DDR2: variants seen among roughly 807,000 people sequenced by gnomAD.
DDR2 encodes discoidin domain-containing receptor 2.
In DDR2, 27 loss-of-function variants were observed where a neutral mutation model predicts 94.9. The ratio of observed to expected loss-of-function variants is 0.28; its 90% CI spans 0.21 to 0.39. The LOEUF (loss-of-function observed/expected upper bound fraction) is 0.39, where lower values mean the gene tolerates loss of function less well. Among genes scored for constraint, DDR2 ranks in the 10% least tolerant of loss-of-function variants. The pLI is 1.00. For synonymous variants in DDR2, 382 were observed against 377.2 expected, an observed-to-expected ratio of 1.01 and a Z score of -0.15; for missense variants, 783 against 1,076.0, an observed-to-expected ratio of 0.73 and a Z score of 3.81.
chr1:162,661,998 T>A (rs1044700695), intron 2 of DDR2, among the ~76,000 whole-genome samples: 6 of 152,204 alleles, frequency 3.9e-5, no homozygotes, highest in African/African-American at 1.4e-4. Context: ...TTCTAGAGTC[T>A]ATCTTGACTT....
At chr1:162,731,013 A>G (rs1205543660) in intron 3 of DDR2, among the ~76,000 whole-genome samples, 1 of 152,206 alleles carries the variant, frequency 6.6e-6, no homozygotes. Context: ...CACCTCTCTG[A>G]GATTCTCCCT....
chr1:162,744,812 T>C (rs1662772851), intron 3 of DDR2, among the ~76,000 whole-genome samples: 1 of 152,220 alleles, frequency 6.6e-6, no homozygotes. Flanking sequence ...GCAATGAACA[T>C]GGAAGGGCAG....
chr1:162,673,943 C>T (rs970946524), intron 2 of DDR2, among the ~76,000 whole-genome samples: 1 of 152,066 alleles, frequency 6.6e-6, no homozygotes, highest in Non-Finnish European at 1.5e-5. Context: ...TACACATACT[C>T]TCTCTCTAGG....
At position 162,754,714 on chromosome 1, in the gene DDR2, C is replaced by T. The variant is rs1663372190; in HGVS notation, c.276C>T (p.His92=). Residue 92 remains histidine (H), a synonymous_variant, in exon 5 of 18, where the codon CAC becomes CAT. Coordinates refer to ENST00000367921, the MANE Select transcript of DDR2 (RefSeq NM_006182.4). ...AGGAGTTTCTGCAGATTGACTTGCA[C>T]ACCCTCCATTTTATCACTCTGGTGG... ...DLKEFLQIDL[H]TLHFITLVGT... is the part of the protein sequence containing the mutation. 3.7e-6 allele frequency: 6 copies of T among 1,614,024 alleles called. No homozygotes were observed. The highest frequency in any genetic ancestry group is 2.2e-5 in the East Asian group (1 of 44,876).
intron 2 of DDR2, among the ~76,000 whole-genome samples, chr1:162,668,192 G>A (rs1658673911): frequency 6.6e-6 from 1 of 152,184 alleles, no homozygotes; most frequent in Admixed American, 6.5e-5. Flanking sequence ...CTGTGGGCCA[G>A]CAGCCTGTTT....
chr1:162,737,968 T>G (rs1281333103), intron 3 of DDR2, among the ~76,000 whole-genome samples: 1 of 152,066 alleles, frequency 6.6e-6, no homozygotes, highest in Non-Finnish European at 1.5e-5. Context: ...TTTTGAGAAG[T>G]GTCCGTTCAT....
intron 3 of DDR2, among the ~76,000 whole-genome samples, chr1:162,741,885 G>A (rs1450447515): frequency 6.6e-6 from 1 of 152,206 alleles, no homozygotes; most frequent in Non-Finnish European, 1.5e-5. Flanking sequence ...TCAGCGACAT[G>A]TAAGATCAGT....
rs1663369335 is a variant in DDR2 at position 162,754,675 on chromosome 1, A to C, written c.237A>C (p.Glu79Asp). The C allele has an allele frequency of 6.2e-7, 1 of 1,613,954 alleles. No individual in the cohort carries two copies. Among genetic ancestry groups the C allele is most frequent in the African/African-American group, 1.3e-5 (1 of 74,888 alleles). ...DGAWCPEIPV[E>D]PDDLKEFLQI... is the part of the protein sequence containing the mutation. ...CCTGGTGCCCTGAGATTCCAGTGGAACCTGATGACCTGAAGGAGTTTCTGC... is the reference window on the plus strand; with the variant it reads ...CCTGGTGCCCTGAGATTCCAGTGGACCCTGATGACCTGAAGGAGTTTCTGC... The change falls in exon 5 of 18, where the codon GAA (glutamate) becomes GAC (aspartate). Residue 79 changes from glutamate to aspartate, a missense_variant. Around this residue, in one of 2 missense-constraint regions of DDR2, gnomAD observed 519 missense variants for 647.9 expected, o/e 0.80. Coordinates refer to ENST00000367921, the MANE Select transcript of DDR2 (RefSeq NM_006182.4).
chr1:162,767,411 A>T (rs1362590269), intron 11 of DDR2, 52 bp downstream of exon 11: 1 of 1,607,074 alleles, frequency 6.2e-7, no homozygotes, highest in Admixed American at 1.7e-5. Context: ...TTTCTTTCTT[A>T]AGCCACTGTT....
chr1:162,703,014 A>C, intron 2 of DDR2, among the ~76,000 whole-genome samples: 1 of 152,204 alleles, frequency 6.6e-6, no homozygotes, highest in East Asian at 1.9e-4. Context: ...CTGGTTAATG[A>C]ATATTTCAAG....
chr1:162,699,760 A>G (rs749273203), intron 2 of DDR2, among the ~76,000 whole-genome samples: 26 of 152,200 alleles, frequency 1.7e-4, no homozygotes, highest in Non-Finnish European at 3.5e-4. Flanking sequence ...TATGCCATCA[A>G]TTTTATCCAA....
intron 7 of DDR2, among the ~76,000 whole-genome samples, chr1:162,759,591 T>G (rs1034542344): frequency 6.6e-6 from 1 of 152,230 alleles, no homozygotes; most frequent in Non-Finnish European, 1.5e-5. Flanking sequence ...TAAAAATTAC[T>G]AATATGAAAT....
At chr1:162,757,781 A>G (rs1004586269) in intron 7 of DDR2, among the ~76,000 whole-genome samples, 3 of 152,276 alleles carry the variant, frequency 2.0e-5, no homozygotes, top group Admixed American at 2.0e-4. Flanking sequence ...TGCCAAGTAA[A>G]AAGAATTAAT....
At chr1:162,678,797 G>T (rs1013333029) in intron 2 of DDR2, among the ~76,000 whole-genome samples, 4 of 152,190 alleles carry the variant, frequency 2.6e-5, no homozygotes, top group African/African-American at 4.8e-5. Context: ...TGGAGAAACT[G>T]CCCAGCCACT....
At chr1:162,716,551 A>G (rs571839263) in intron 2 of DDR2, among the ~76,000 whole-genome samples, 1 of 152,256 alleles carries the variant, frequency 6.6e-6, no homozygotes, top group African/African-American at 2.4e-5. Flanking sequence ...CATGTATTTT[A>G]TCTTATCCAA....
At position 162,780,354 on chromosome 1, in the gene DDR2, C is replaced by G; in HGVS notation, c.*108C>G. 1 of 1,534,662 alleles carries G rather than the reference C, an allele frequency of 6.5e-7. No homozygotes were observed. The highest frequency in any genetic ancestry group is 8.9e-7 in the Non-Finnish European group (1 of 1,124,248). ...CTGGACATTTAATGAAACTGAGAGACAGAGGCTTGTTTGCTTTGCCCTCTT... is the reference window on the plus strand; with the variant it reads ...CTGGACATTTAATGAAACTGAGAGAGAGAGGCTTGTTTGCTTTGCCCTCTT... On this transcript the variant is annotated 3_prime_UTR_variant, in exon 18 of 18. Coordinates refer to ENST00000367921, the MANE Select transcript of DDR2 (RefSeq NM_006182.4).
intron 9 of DDR2, among the ~76,000 whole-genome samples, chr1:162,765,693 G>T: frequency 2.0e-5 from 3 of 150,000 alleles, no homozygotes; most frequent in African/African-American, 2.5e-5. Flanking sequence ...ACTGAATTTG[G>T]GTCCTGCTTC....
intron 2 of DDR2, among the ~76,000 whole-genome samples, chr1:162,717,198 G>A (rs373291129): frequency 3.9e-5 from 6 of 152,002 alleles, no homozygotes; most frequent in Non-Finnish European, 8.8e-5. Flanking sequence ...ACCAAGCCTC[G>A]CTAATTTTTG....
chr1:162,703,564 A>T (rs1451761496), intron 2 of DDR2, among the ~76,000 whole-genome samples: 1 of 152,204 alleles, frequency 6.6e-6, no homozygotes, highest in Non-Finnish European at 1.5e-5. Flanking sequence ...GAATGTTAAA[A>T]AGGGAACAAA....
Sources: gnomAD v4.1 joint callset for allele counts (sites outside exome capture counted in the v4.1 genomes callset) on GRCh38, gnomAD v4.1.1 for gene constraint, gnomAD v4.1.1 regional missense constraint, MANE v1.5 for transcripts, NCBI Gene and HGNC (gene_info 2026-07-23, HGNC 2026-07-21) for gene names.